CDKL5: variants seen among roughly 807,000 people sequenced by gnomAD.
CDKL5 encodes cyclin dependent kinase like 5.
Under a neutral mutation model 61.7 loss-of-function variants are expected in CDKL5, and 8 were observed. That is an observed-to-expected ratio of 0.13 (90% CI 0.08 to 0.23). The LOEUF is 0.23. CDKL5 is among the 10% of genes least tolerant of loss of function. The pLI, the probability that CDKL5 is intolerant of heterozygous loss-of-function variation, is 1.00. For missense variants in CDKL5, 440 were observed against 734.5 expected, an observed-to-expected ratio of 0.60 and a Z score of 4.63; for synonymous variants, 275 against 272.3, an observed-to-expected ratio of 1.01 and a Z score of -0.10.
At chrX:18,616,479 G>C (rs1237755209) in intron 15 of CDKL5, among the ~76,000 whole-genome samples, 2 of 109,960 alleles carry the variant, frequency 1.8e-5, no homozygotes, top group African/African-American at 6.6e-5. Context: ...TACAAAATTA[G>C]CTGGGCATGG....
At chrX:18,487,999 G>A (rs774768415) in intron 1 of CDKL5, among the ~76,000 whole-genome samples, 2 of 111,754 alleles carry the variant, frequency 1.8e-5, no homozygotes, top group African/African-American at 6.5e-5. Flanking sequence ...TTAACATGAT[G>A]TAGCTAAGTG....
intron 1 of CDKL5, among the ~76,000 whole-genome samples, chrX:18,431,153 G>A (rs1443349329): frequency 9.0e-6 from 1 of 111,212 alleles, no homozygotes; most frequent in Admixed American, 9.6e-5. Flanking sequence ...ATGAGCCACC[G>A]CACCTGGCGG....
chrX:18,586,717 A>G, intron 8 of CDKL5, among the ~76,000 whole-genome samples: 1 of 112,180 alleles, frequency 8.9e-6, no homozygotes, highest in South Asian at 3.7e-4. Flanking sequence ...ATTCAGAATC[A>G]TTCCAGCTGC....
chrX:18,641,469 G>T (rs1226502725), downstream of CDKL5: 1 of 121,662 alleles, frequency 8.2e-6, no homozygotes, highest in African/African-American at 3.3e-5. Context: ...CTCACCCACC[G>T]CACTCATCCC....
In CDKL5 at chrX:18,577,762, A is replaced by G. The variant is rs367682644; in HGVS notation, c.283-2086A>G. Among the ~76,000 whole-genome samples the G allele has an allele frequency of 1.2e-4, 14 of 112,057 alleles. No individual in the cohort carries two copies. The East Asian group carries it at 2.8e-3, about 22-fold the overall frequency. On this transcript the variant is annotated intron_variant, in intron 5 of 17. Coordinates refer to ENST00000623535, the MANE Select transcript of CDKL5 (RefSeq NM_001323289.2). ...AGGGAAGACTGGATACTGGAGGACA[A>G]TATGTCTGCCACTGAGGAATTTAGA...
chrX:18,449,828 C>G (rs1400455937), intron 1 of CDKL5, among the ~76,000 whole-genome samples: 1 of 106,707 alleles, frequency 9.4e-6, no homozygotes, highest in Middle Eastern at 4.9e-3. Flanking sequence ...CGGAGGCTCA[C>G]TCTGTCTCCA....
chrX:18,641,986 G>A, downstream of CDKL5: 1 of 1,209,879 alleles, frequency 8.3e-7, no homozygotes, highest in Non-Finnish European at 1.1e-6. Flanking sequence ...CCTGGCAGGC[G>A]CCGAGCTGAG....
intron 1 of CDKL5, among the ~76,000 whole-genome samples, chrX:18,504,193 C>T (rs1238313472): frequency 1.8e-5 from 2 of 111,514 alleles, no homozygotes; most frequent in Non-Finnish European, 3.8e-5. Context: ...GCAGCTTTGA[C>T]CTCCTGGGCT....
intron 10 of CDKL5, among the ~76,000 whole-genome samples, chrX:18,596,492 A>G (rs932008732): frequency 5.3e-5 from 6 of 112,339 alleles, no homozygotes; most frequent in South Asian, 7.4e-4. Flanking sequence ...TAAATACTGA[A>G]TACTGTTTTT....
At chrX:18,446,032 C>T (rs972614365) in intron 1 of CDKL5, among the ~76,000 whole-genome samples, 1 of 109,363 alleles carries the variant, frequency 9.1e-6, no homozygotes, top group African/African-American at 3.3e-5. Flanking sequence ...CTATTTTCTT[C>T]CTGACTGTTG....
chrX:18,560,106 G>A (rs1009674190), intron 3 of CDKL5, among the ~76,000 whole-genome samples: 3 of 110,533 alleles, frequency 2.7e-5, no homozygotes, highest in Non-Finnish European at 5.7e-5. Flanking sequence ...GTGTGCATGT[G>A]TCTTTATAGC....
chrX:18,621,872 A>T (rs1297873677), intron 16 of CDKL5, among the ~76,000 whole-genome samples: 1 of 112,166 alleles, frequency 8.9e-6, no homozygotes, highest in African/African-American at 3.2e-5. Flanking sequence ...TTAAAGTGTT[A>T]ATAAAACTTT....
At chrX:18,499,506 G>T (rs1431408438) in intron 1 of CDKL5, among the ~76,000 whole-genome samples, 1 of 109,264 alleles carries the variant, frequency 9.2e-6, no homozygotes, top group South Asian at 4.0e-4. Flanking sequence ...GACTACAGGC[G>T]CCCACCACAA....
rs1927475657 is a variant in CDKL5, at chrX:18,638,938, G to C, written c.*10181G>C. Among the ~76,000 whole-genome samples, 1 of 111,984 alleles carries C rather than the reference G, an allele frequency of 8.9e-6. No individual in the cohort carries two copies. The highest frequency in any genetic ancestry group is 3.7e-4 in the South Asian group (1 of 2,695). ...AGGGTGCCAAGATCATTCAATGGGG[G>C]AAAGAATAGTCTTTTCAGCAAATAG... On this transcript the variant is annotated 3_prime_UTR_variant, in exon 18 of 18. Coordinates refer to ENST00000623535, the MANE Select transcript of CDKL5 (RefSeq NM_001323289.2).
chrX:18,578,878 C>T (rs758679705), intron 5 of CDKL5, among the ~76,000 whole-genome samples: 2 of 112,155 alleles, frequency 1.8e-5, no homozygotes, highest in African/African-American at 6.5e-5. Flanking sequence ...TTAACTAAAA[C>T]GTCTGTTTTC....
At chrX:18,623,888 A>G in intron 16 of CDKL5, 1 of 740,501 alleles carries the variant, frequency 1.4e-6, no homozygotes, top group Non-Finnish European at 1.6e-6. Flanking sequence ...GACAGATTCC[A>G]CCAACGGGGA....
intron 5 of CDKL5, among the ~76,000 whole-genome samples, chrX:18,576,400 T>C (rs1347226135): frequency 1.8e-5 from 2 of 112,002 alleles, no homozygotes; most frequent in Non-Finnish European, 3.8e-5. Flanking sequence ...GCAAGTTTTC[T>C]TGATGAGTAA....
intron 3 of CDKL5, among the ~76,000 whole-genome samples, chrX:18,563,414 G>A (rs1434474945): frequency 8.9e-6 from 1 of 111,751 alleles, no homozygotes; most frequent in Non-Finnish European, 1.9e-5. Context: ...GGAAGAAGGA[G>A]TTTCTTTAAG....
chrX:18,597,535 A>C (rs1346728342), intron 10 of CDKL5, among the ~76,000 whole-genome samples: 2 of 110,648 alleles, frequency 1.8e-5, no homozygotes, highest in Non-Finnish European at 3.8e-5. Flanking sequence ...AAAATGTAAA[A>C]GAAGAAACTT....
Sources: allele counts gnomAD v4.1 joint callset (sites outside exome capture counted in the v4.1 genomes callset), GRCh38; gene constraint gnomAD v4.1.1; transcripts MANE v1.5; gene names NCBI Gene and HGNC (gene_info 2026-07-23, HGNC 2026-07-21).